Variants in STARD3NL observed in about 807,000 individuals in gnomAD.
The protein encoded by STARD3NL is STARD3 N-terminal like, also known as STARD3 N-terminal-like protein.
Under a neutral mutation model 30.9 loss-of-function variants are expected in STARD3NL, and 17 were observed. The ratio of observed to expected loss-of-function variants is 0.55; its 90% confidence interval spans 0.38 to 0.82. The LOEUF is 0.82. STARD3NL is among the 40% of genes least tolerant of loss of function. STARD3NL has a pLI of 0.00. For synonymous variants in STARD3NL, 112 were observed against 100.5 expected, an observed-to-expected ratio of 1.11 and a Z score of -0.69; for missense variants, 234 against 277.6, an observed-to-expected ratio of 0.84 and a Z score of 1.12.
intron 1 of STARD3NL, chr7:38,179,030 A>G (rs1448488108): frequency 6.6e-6 from 1 of 152,234 alleles, no homozygotes; most frequent in Non-Finnish European, 1.5e-5. Context: ...TAGTTCAAAC[A>G]TGGGTGGACA....
intron 1 of STARD3NL, among the ~76,000 whole-genome samples, chr7:38,198,667 G>T (rs1002574739): frequency 6.6e-6 from 1 of 152,220 alleles, no homozygotes; most frequent in Non-Finnish European, 1.5e-5. Context: ...TGGGTGGTTG[G>T]GTTGAGAGAC....
intron 1 of STARD3NL, chr7:38,202,226 T>C (rs1289814770): frequency 6.6e-6 from 1 of 152,234 alleles, no homozygotes; most frequent in Non-Finnish European, 1.5e-5. Context: ...TGGGAGCTTA[T>C]TATTTTCTTT....
At chr7:38,211,045 A>G (rs991566299) in intron 2 of STARD3NL, among the ~76,000 whole-genome samples, 2 of 152,226 alleles carry the variant, frequency 1.3e-5, no homozygotes, top group African/African-American at 4.8e-5. Context: ...TTGAAGATAC[A>G]AAGGTCTGCA....
chr7:38,217,350 A>T (rs528859325), intron 6 of STARD3NL, 45 bp downstream of exon 6: 1 of 1,575,132 alleles, frequency 6.3e-7, no homozygotes, highest in East Asian at 2.2e-5. Flanking sequence ...ACTGGATACC[A>T]AGCTGGGAGG....
chr7:38,214,475 G>T, intron 3 of STARD3NL, 41 bp downstream of exon 3: 1 of 1,312,306 alleles, frequency 7.6e-7, no homozygotes, highest in South Asian at 1.3e-5. Flanking sequence ...TGATAAAACT[G>T]ACCCAAAAGG....
At chr7:38,216,366 A>G (rs1562620318) in intron 4 of STARD3NL, 1 of 152,186 alleles carries the variant, frequency 6.6e-6, no homozygotes, top group East Asian at 1.9e-4. Flanking sequence ...AGGAGAAGTC[A>G]GCTGGTATTT....
At chr7:38,219,299 G>T (rs1223021694) in intron 6 of STARD3NL, among the ~76,000 whole-genome samples, 1 of 152,054 alleles carries the variant, frequency 6.6e-6, no homozygotes, top group Non-Finnish European at 1.5e-5. Flanking sequence ...CTCCATCCTT[G>T]GCCTCCCAGA....
In STARD3NL at chr7:38,230,127, T is replaced by C. The variant is rs372548187; in HGVS notation, c.*222T>C. The C allele has an allele frequency of 1.3e-5, 2 of 152,678 alleles. No homozygotes were observed. The highest frequency in any genetic ancestry group is 4.8e-5 in the African/African-American group (2 of 41,458). The allele number at this position is 152,678 out of a possible 1,614,324, so 9.5% of individuals were successfully genotyped here. ...GCCTGTGGCTGGTAAGGTAATGTCA[T>C]GATTCATCCTCTCTTCAGTGAGACT... On this transcript the variant is annotated 3_prime_UTR_variant, in exon 9 of 9. Transcript: ENST00000009041.
chr7:38,196,333 C>T (rs1784896333), intron 1 of STARD3NL, among the ~76,000 whole-genome samples: 2 of 152,158 alleles, frequency 1.3e-5, no homozygotes, highest in Non-Finnish European at 2.9e-5. Flanking sequence ...CCCTCTTCTC[C>T]TCTTTAGACT....
At chr7:38,189,117 G>A (rs1339721504) in intron 1 of STARD3NL, among the ~76,000 whole-genome samples, 2 of 123,462 alleles carry the variant, frequency 1.6e-5, no homozygotes, top group Admixed American at 9.7e-5. Flanking sequence ...AGGCAGCCTT[G>A]GATGTGTGTG....
Position 38,214,247 on chromosome 7 carries a change from C to T in STARD3NL, c.226-110C>T, listed in dbSNP as rs1785973787. On this transcript the variant is annotated intron_variant, in intron 2 of 8. Coordinates refer to ENST00000009041, the MANE Select transcript of STARD3NL (RefSeq NM_032016.4). The stretch of plus-strand genomic sequence containing the variant: ...GAGAGTTCTTTTCTTCGCACTTTAG[C>T]ATTTCTGGGTTCTGAGAAGATAGGC... The T allele has an allele frequency of 4.5e-6, 3 of 666,210 alleles. No individual in the cohort carries two copies. The African/African-American group carries it at 5.6e-5, about 12-fold the overall frequency. The allele number at this position is 666,210 out of a possible 1,614,324, so 41.3% of individuals were successfully genotyped here. A position where few individuals can be genotyped will look rare whatever the true frequency, so the allele number is the denominator to read the frequency against.
intron 1 of STARD3NL, among the ~76,000 whole-genome samples, chr7:38,205,180 C>CA (rs945622247): frequency 1.4e-3 from 214 of 152,076 alleles, no homozygotes; most frequent in African/African-American, 5.0e-3. Flanking sequence ...AGAGACACAA[C>CA]AAAAAAAGAG....
intron 8 of STARD3NL, among the ~76,000 whole-genome samples, chr7:38,229,298 C>T (rs922829134): frequency 5.9e-5 from 9 of 152,174 alleles, no homozygotes; most frequent in African/African-American, 2.2e-4. Flanking sequence ...CACAGCTAGA[C>T]GAGGCAGCGC....
At chr7:38,212,351 A>G (rs995336327) in intron 2 of STARD3NL, among the ~76,000 whole-genome samples, 1 of 152,140 alleles carries the variant, frequency 6.6e-6, no homozygotes, top group African/African-American at 2.4e-5. Flanking sequence ...TGTTTCTTCT[A>G]TATGAAATGA....
chr7:38,197,462 C>T (rs1784977981), intron 1 of STARD3NL, among the ~76,000 whole-genome samples: 1 of 152,120 alleles, frequency 6.6e-6, no homozygotes, highest in Non-Finnish European at 1.5e-5. Flanking sequence ...CTTAGCCTCC[C>T]AAAGTGCCAG....
At chr7:38,217,102 A>G (rs372520788) in intron 5 of STARD3NL, 24 bp downstream of exon 5, 58 of 1,613,884 alleles carry the variant, frequency 3.6e-5, no homozygotes, top group Non-Finnish European at 4.8e-5. Context: ...CTTTTTCTAT[A>G]CAGTTACCAT....
intron 7 of STARD3NL, 148 bp from the exon 8 acceptor site, chr7:38,228,651 T>C (rs901603103): frequency 1.4e-5 from 8 of 557,410 alleles, no homozygotes; most frequent in Admixed American, 1.3e-4. Flanking sequence ...AGCTTTCAAA[T>C]AGCAGTTAAC....
intron 1 of STARD3NL, among the ~76,000 whole-genome samples, chr7:38,199,610 A>T (rs1785080538): frequency 6.6e-6 from 1 of 152,188 alleles, no homozygotes; most frequent in Non-Finnish European, 1.5e-5. Flanking sequence ...GGGGAAATGC[A>T]TCTGACTGCC....
intron 6 of STARD3NL, among the ~76,000 whole-genome samples, chr7:38,219,088 A>C (rs1170763628): frequency 6.6e-6 from 1 of 152,206 alleles, no homozygotes; most frequent in African/African-American, 2.4e-5. Flanking sequence ...ACAGGGCCTC[A>C]CTTTGTGAAG....
Sources: allele counts gnomAD v4.1 joint callset (sites outside exome capture counted in the v4.1 genomes callset), GRCh38; gene constraint gnomAD v4.1.1; transcripts MANE v1.5; gene names NCBI Gene and HGNC (gene_info 2026-07-23, HGNC 2026-07-21).